Variants in WDR88 observed in about 807,000 individuals in gnomAD.
The protein encoded by WDR88 is WD repeat domain 88.
In WDR88, 40 loss-of-function variants were observed where a neutral mutation model predicts 46.8. The ratio of observed to expected loss-of-function variants is 0.86; its 90% confidence interval spans 0.66 to 1.11. The LOEUF is 1.11. WDR88 is among the 50% of genes most tolerant of loss of function. The pLI, the probability that WDR88 is intolerant of heterozygous loss-of-function variation, is 0.00. For synonymous variants in WDR88, 235 were observed against 240.7 expected (o/e 0.98, Z 0.22); for missense variants, 562 against 602.4 (o/e 0.93, Z 0.70).
intron 5 of WDR88, among the ~76,000 whole-genome samples, chr19:33,149,809 A>G (rs113359057): frequency 0.065 from 9,885 of 151,830 alleles, 1,090 homozygotes; most frequent in African/African-American, 0.22. Context: ...ACAGGCACCC[A>G]CCACCACGCC....
At chr19:33,137,239 A>G (rs1285041633) in intron 1 of WDR88, among the ~76,000 whole-genome samples, 1 of 142,908 alleles carries the variant, frequency 7.0e-6, no homozygotes. Flanking sequence ...GGGATGAGCC[A>G]CCGTGCCCAG....
chr19:33,139,702 C>A (rs1293280166), intron 2 of WDR88, among the ~76,000 whole-genome samples: 2 of 152,086 alleles, frequency 1.3e-5, no homozygotes, highest in Non-Finnish European at 2.9e-5. Context: ...ATCAGTCAAT[C>A]CCCACTATTG....
intron 6 of WDR88, among the ~76,000 whole-genome samples, chr19:33,155,395 C>T (rs1973715206): frequency 6.6e-6 from 1 of 152,190 alleles, no homozygotes; most frequent in Admixed American, 6.5e-5. Context: ...TCCACCTAGG[C>T]CTCCCAAAGT....
At chr19:33,160,814 A>C (rs530164418) in intron 8 of WDR88, among the ~76,000 whole-genome samples, 30 of 152,186 alleles carry the variant, frequency 2.0e-4, no homozygotes, top group South Asian at 4.1e-4. Flanking sequence ...GAAGAAGGGC[A>C]GTCCAGGCAG....
At chr19:33,156,760 T>C (rs1973743732) in intron 7 of WDR88, among the ~76,000 whole-genome samples, 3 of 152,118 alleles carry the variant, frequency 2.0e-5, no homozygotes, top group Non-Finnish European at 4.4e-5. Flanking sequence ...CCAAAGAAAT[T>C]GATTAATCCT....
intron 6 of WDR88, among the ~76,000 whole-genome samples, chr19:33,153,292 T>A (rs1475124380): frequency 1.3e-5 from 2 of 151,472 alleles, no homozygotes; most frequent in African/African-American, 4.9e-5. Context: ...CCTGAACTTC[T>A]GAGCTCAAGT....
intron 6 of WDR88, among the ~76,000 whole-genome samples, chr19:33,154,234 T>G (rs770791258): frequency 5.1e-4 from 78 of 152,148 alleles, no homozygotes; most frequent in Non-Finnish European, 1.1e-3. Flanking sequence ...TACTTTAAGT[T>G]CCAGGACACA....
chr19:33,172,893 C>T (rs1046271160), intron 10 of WDR88, among the ~76,000 whole-genome samples: 1 of 151,698 alleles, frequency 6.6e-6, no homozygotes, highest in Admixed American at 6.6e-5. Flanking sequence ...AGTTCGAGAC[C>T]AGCCTGGCCA....
intron 2 of WDR88, among the ~76,000 whole-genome samples, chr19:33,143,290 GCACCACTGCA>G (rs1251684953): frequency 7.3e-6 from 1 of 136,264 alleles, no homozygotes; most frequent in Non-Finnish European, 1.5e-5. Flanking sequence ...AGCCATAATT[GCACCACTGCA>G]CTCAAGCCTG....
At chr19:33,147,581 C>A in intron 3 of WDR88, 64 bp from the exon 4 acceptor site, 1 of 1,539,084 alleles carries the variant, frequency 6.5e-7, no homozygotes, top group Non-Finnish European at 8.9e-7. Context: ...CCAGCTGGGG[C>A]AACAGAAAGA....
chr19:33,157,553 GTATA>G (rs541029762), intron 7 of WDR88, among the ~76,000 whole-genome samples: 4 of 140,098 alleles, frequency 2.9e-5, no homozygotes, highest in Non-Finnish European at 6.1e-5. Flanking sequence ...ATATATATGT[GTATA>G]TATATATGTA....
chr19:33,142,554 G>A (rs1038106403), intron 2 of WDR88, among the ~76,000 whole-genome samples: 10 of 151,998 alleles, frequency 6.6e-5, no homozygotes, highest in Admixed American at 1.3e-4. Flanking sequence ...GGGAATGAGA[G>A]CAAGAAGGCT....
chr19:33,159,439 C>T (rs1302356226), intron 7 of WDR88, among the ~76,000 whole-genome samples: 3 of 152,002 alleles, frequency 2.0e-5, no homozygotes, highest in Non-Finnish European at 4.4e-5. Flanking sequence ...CGTTCCTAAG[C>T]GCGAGAGTGC....
rs74174644 is a variant in WDR88, at chr19:33,142,851, C to CAAAAAAAAAAA, written c.388-1974_388-1964dup. 7.7e-4 allele frequency: 15 copies of CAAAAAAAAAAA among 19,536 alleles called. 1 individual carries two copies. Among genetic ancestry groups the CAAAAAAAAAAA allele is most frequent in the African/African-American group, 2.4e-3 (8 of 3,328 alleles). 1.2% of individuals were successfully genotyped at this position (19,536 alleles called of 1,614,324 possible). ...TGAAACCCTGTCTCTACTAAAAATACAAAAAAAAAAAAAAAAAAAAAAAAA... is the reference window on the plus strand; with the variant it reads ...TGAAACCCTGTCTCTACTAAAAATACAAAAAAAAAAAAAAAAAAAAAAAAAAAAAAAAAAAA... On this transcript the variant is annotated intron_variant, in intron 2 of 10. Coordinates refer to ENST00000355868, the MANE Select transcript of WDR88 (RefSeq NM_173479.4).
chr19:33,154,400 G>T (rs1201290643), intron 6 of WDR88, among the ~76,000 whole-genome samples: 1 of 152,074 alleles, frequency 6.6e-6, no homozygotes, highest in Non-Finnish European at 1.5e-5. Flanking sequence ...ACAGGCCTCA[G>T]TGTGTGATGT....
chr19:33,172,373 T>C lies in WDR88; in HGVS notation c.1175T>C (p.Ile392Thr), dbSNP rs1974052838. 1 of 1,613,942 alleles carries C rather than the reference T, an allele frequency of 6.2e-7. No homozygotes were observed. The highest frequency in any genetic ancestry group is 1.3e-5 in the African/African-American group (1 of 74,924). Residue 392 changes from isoleucine (I) to threonine (T), a missense_variant, in exon 10 of 11, where the codon ATT (isoleucine) becomes ACT (threonine). Physicochemically the swap from Ile to Thr is moderately conservative, Grantham distance 89. Transcript: ENST00000355868. ...GATAGGACCATGAGACTGTGGAATA[T>C]TGAAGAAATTGATGAAATTCCTTTG... ...SKDRTMRLWN[I>T]EEIDEIPLVI...
In WDR88 at chr19:33,157,322, C is replaced by T. The variant is rs147402328; in HGVS notation, c.997+780C>T. On this transcript the variant is annotated intron_variant, in intron 7 of 10. Coordinates refer to ENST00000355868, the MANE Select transcript of WDR88 (RefSeq NM_173479.4). The stretch of plus-strand genomic sequence containing the variant: ...GATCAGCCTGGCCAACATGGTGAAA[C>T]CCCATCTCTACTAAAAAATACAAAA... Among the ~76,000 whole-genome samples the T allele has an allele frequency of 4.6e-3, 698 of 151,662 alleles. 4 individuals carry two copies. Among genetic ancestry groups the T allele is most frequent in the African/African-American group, 0.015 (600 of 41,366 alleles).
intron 1 of WDR88, among the ~76,000 whole-genome samples, chr19:33,137,084 C>T (rs1013130986): frequency 8.7e-5 from 13 of 149,010 alleles, no homozygotes; most frequent in Admixed American, 3.4e-4. Context: ...GTGTGAGCCA[C>T]CATGCCTGGC....
At chr19:33,166,746 T>C (rs550616340) in intron 9 of WDR88, among the ~76,000 whole-genome samples, 1 of 60,144 alleles carries the variant, frequency 1.7e-5, no homozygotes, top group Admixed American at 2.2e-4. Context: ...ACCCTGTCTC[T>C]ACCAGAAATA....
Sources: gnomAD v4.1 joint callset for allele counts (sites outside exome capture counted in the v4.1 genomes callset) on GRCh38, gnomAD v4.1.1 for gene constraint, MANE v1.5 for transcripts, NCBI Gene and HGNC (gene_info 2026-07-23, HGNC 2026-07-21) for gene names.